Variants in SPO11 observed in about 807,000 individuals in gnomAD.
SPO11 encodes SPO11 initiator of meiotic double strand breaks.
In SPO11, 49 loss-of-function variants were observed where a neutral mutation model predicts 51.6. The observed-to-expected ratio is 0.95, with a 90% CI of 0.75 to 1.20. SPO11 has a LOEUF of 1.20. SPO11 is among the 50% of genes most tolerant of loss of function. The probability of loss-of-function intolerance (pLI) is 0.00; values close to 1 mark genes in which losing one functional copy is unlikely to be tolerated. For synonymous variants in SPO11, 176 were observed against 158.2 expected (o/e 1.11, Z -0.84); for missense variants, 431 against 473.4 (o/e 0.91, Z 0.83).
At chr20:57,337,627 T>G (rs2066528253) in intron 8 of SPO11, 1 of 630,156 alleles carries the variant, frequency 1.6e-6, no homozygotes, top group Admixed American at 3.0e-5. Flanking sequence ...ATATGTAGGA[T>G]GTTTATTATT....
Position 57,334,036 on chromosome 20 carries a change from G to C in SPO11, c.451G>C (p.Asp151His), listed in dbSNP as rs143191648. Reference protein sequence around the residue: ...SQLFGNQTVVDNIINDISCML... With the variant: ...SQLFGNQTVVHNIINDISCML... ...ACTCTTTGGTAACCAGACTGTCGTCGACAATATTATCAATGACATTTCTTG... is the reference window on the plus strand; with the variant it reads ...ACTCTTTGGTAACCAGACTGTCGTCCACAATATTATCAATGACATTTCTTG... Residue 151 changes from aspartate to histidine, a missense_variant, in exon 5 of 13, where the codon GAC (aspartate) becomes CAC (histidine). Asp to His is a moderately conservative substitution (Grantham distance 81, BLOSUM62 -1). Coordinates refer to ENST00000371263, the MANE Select transcript of SPO11 (RefSeq NM_012444.3). 1 of 1,590,300 alleles carries C rather than the reference G, an allele frequency of 6.3e-7. No individual in the cohort carries two copies. The highest frequency in any genetic ancestry group is 1.2e-5 in the South Asian group (1 of 86,074).
intron 10 of SPO11, among the ~76,000 whole-genome samples, chr20:57,339,289 A>C (rs2066551209): frequency 6.6e-6 from 1 of 152,102 alleles, no homozygotes; most frequent in Non-Finnish European, 1.5e-5. Context: ...TGGCATACTG[A>C]AGGAACTGTG....
At chr20:57,335,929 C>T in intron 8 of SPO11, 22 bp downstream of exon 8, 1 of 1,360,930 alleles carries the variant, frequency 7.3e-7, no homozygotes, top group East Asian at 2.3e-5. Context: ...AACTTTACTA[C>T]AATTCCAAGA....
At chr20:57,343,226 T>TA in intron 12 of SPO11, 115 bp from the exon 13 acceptor site, 1 of 1,261,388 alleles carries the variant, frequency 7.9e-7, no homozygotes. Context: ...GGCTGACCCT[T>TA]AAGACTATTG....
chr20:57,330,254 C>G (rs2066430046), intron 1 of SPO11, among the ~76,000 whole-genome samples: 1 of 152,202 alleles, frequency 6.6e-6, no homozygotes, highest in Non-Finnish European at 1.5e-5. Context: ...GTTCCAGAGG[C>G]TCCCTGCAGC....
chr20:57,333,931 T>G, intron 4 of SPO11, 56 bp from the exon 5 acceptor site: 1 of 1,091,818 alleles, frequency 9.2e-7, no homozygotes, highest in Admixed American at 2.6e-5. Flanking sequence ...CTGTAATACT[T>G]GTCATATTCA....
chr20:57,342,693 CT>C, intron 11 of SPO11, 35 bp from the exon 12 acceptor site: 4 of 1,391,068 alleles, frequency 2.9e-6, no homozygotes, highest in Non-Finnish European at 4.1e-6. Flanking sequence ...TACAGAAACA[CT>C]TTTTTACTGA....
At chr20:57,341,465 A>G (rs1220846642) in intron 11 of SPO11, among the ~76,000 whole-genome samples, 2 of 152,186 alleles carry the variant, frequency 1.3e-5, no homozygotes, top group Non-Finnish European at 2.9e-5. Flanking sequence ...ACCTCTGCTA[A>G]TGTGATATTT....
rs2066609821 is a variant in SPO11 at position 57,343,595 on chromosome 20, T to C, written c.*135T>C. ...TGAAATAAAATAACTTTCCGTTAATTATATATTTTTGTCAAAACAAATGCT... is the reference window on the plus strand; with the variant it reads ...TGAAATAAAATAACTTTCCGTTAATCATATATTTTTGTCAAAACAAATGCT... On this transcript the variant is annotated 3_prime_UTR_variant, in exon 13 of 13. Transcript: ENST00000371263. 9.3e-7 allele frequency: 1 copy of C among 1,078,230 alleles called. No homozygotes were observed. The highest frequency in any genetic ancestry group is 1.3e-6 in the Non-Finnish European group (1 of 793,650). 66.8% of individuals were successfully genotyped at this position (1,078,230 alleles called of 1,614,324 possible).
intron 10 of SPO11, among the ~76,000 whole-genome samples, chr20:57,339,819 A>G (rs540474465): frequency 1.3e-5 from 2 of 152,294 alleles, no homozygotes; most frequent in South Asian, 2.1e-4. Context: ...GCTCACTGCA[A>G]CCTTGGACTT....
intron 5 of SPO11, 24 bp downstream of exon 5, chr20:57,334,119 AT>A: frequency 8.6e-7 from 1 of 1,165,178 alleles, no homozygotes; most frequent in South Asian, 1.8e-5. Flanking sequence ...AATACAAAAC[AT>A]TTTATTTTAA....
At chr20:57,337,179 C>A (rs1417149621) in intron 8 of SPO11, among the ~76,000 whole-genome samples, 1 of 152,200 alleles carries the variant, frequency 6.6e-6, no homozygotes. Context: ...TAGGGCTACT[C>A]TGCGCTCTTC....
chr20:57,337,127 A>G (rs949998683), intron 8 of SPO11, among the ~76,000 whole-genome samples: 1 of 152,142 alleles, frequency 6.6e-6, no homozygotes, highest in Admixed American at 6.5e-5. Context: ...CAGAGAGGGA[A>G]TTCAAACTCG....
At chr20:57,331,761 T>C in intron 1 of SPO11, 72 bp from the exon 2 acceptor site, 1 of 772,154 alleles carries the variant, frequency 1.3e-6, no homozygotes, top group South Asian at 2.8e-5. Context: ...AGTATTGATC[T>C]GGGAAAATCT....
intron 12 of SPO11, 50 bp downstream of exon 12, chr20:57,342,890 T>C (rs762949955): frequency 7.9e-7 from 1 of 1,271,922 alleles, no homozygotes; most frequent in Middle Eastern, 1.9e-4. Context: ...TGTCTTTTAC[T>C]TTAGTAGTGG....
Position 57,329,813 on chromosome 20 carries a change from C to G in SPO11, c.-55C>G, listed in dbSNP as rs1277385312. On this transcript the variant is annotated 5_prime_UTR_variant, in exon 1 of 13. Coordinates refer to ENST00000371263, the MANE Select transcript of SPO11 (RefSeq NM_012444.3). ...GCGGGAAAGGCACGCAGCCACGCCC[C>G]AAGGGCGCAGCCTAGGACAGGGGCT... The G allele has an allele frequency of 5.2e-6, 8 of 1,550,736 alleles. No individual in the cohort carries two copies. The highest frequency in any genetic ancestry group is 1.4e-5 in the African/African-American group (1 of 72,672).
intron 11 of SPO11, among the ~76,000 whole-genome samples, chr20:57,341,258 G>T (rs2066578136): frequency 6.6e-6 from 1 of 152,166 alleles, no homozygotes; most frequent in Non-Finnish European, 1.5e-5. Flanking sequence ...GTCGTGCTTT[G>T]ATGCAGTCTC....
intron 10 of SPO11, 85 bp from the exon 11 acceptor site, chr20:57,340,017 A>G (rs2066561493): frequency 2.2e-6 from 2 of 901,990 alleles, no homozygotes; most frequent in Admixed American, 1.9e-5. Flanking sequence ...GTCCTTCTTA[A>G]TAAGTGAAAA....
intron 11 of SPO11, 49 bp downstream of exon 11, chr20:57,340,227 C>A: frequency 8.0e-7 from 1 of 1,246,800 alleles, no homozygotes; most frequent in Non-Finnish European, 1.2e-6. Flanking sequence ...AGTTCATTAT[C>A]ATATGTAACA....
Sources: gnomAD v4.1 joint callset for allele counts (sites outside exome capture counted in the v4.1 genomes callset) on GRCh38, gnomAD v4.1.1 for gene constraint, MANE v1.5 for transcripts, NCBI Gene and HGNC (gene_info 2026-07-23, HGNC 2026-07-21) for gene names.